PPP2R5C: variants seen among roughly 807,000 people sequenced by gnomAD.
The protein encoded by PPP2R5C is protein phosphatase 2 regulatory subunit B'gamma.
In PPP2R5C, 7 loss-of-function variants were observed where a neutral mutation model predicts 68.9. The observed-to-expected ratio is 0.10, with a 90% confidence interval of 0.06 to 0.19. The LOEUF (loss-of-function observed/expected upper bound fraction) is 0.19, where lower values mean the gene tolerates loss of function less well. Ranked by LOEUF, PPP2R5C falls within the 10% of genes least tolerant of loss-of-function variation. The pLI, the probability that PPP2R5C is intolerant of heterozygous loss-of-function variation, is 1.00. For missense variants in PPP2R5C, 348 were observed against 641.3 expected (o/e 0.54, Z 4.94); for synonymous variants, 210 against 222.2 (o/e 0.95, Z 0.49).
chr14:101,851,500 G>A (rs908363504), intron 1 of PPP2R5C, among the ~76,000 whole-genome samples: 1 of 152,200 alleles, frequency 6.6e-6, no homozygotes, highest in Non-Finnish European at 1.5e-5. Flanking sequence ...TGTGGTCTCT[G>A]TGTTTGAAAC....
At chr14:101,905,996 G>A (rs556236862) in intron 9 of PPP2R5C, among the ~76,000 whole-genome samples, 20 of 152,182 alleles carry the variant, frequency 1.3e-4, no homozygotes, top group South Asian at 2.1e-4. Flanking sequence ...TGTAAGCTCC[G>A]TGGAGTCAAG....
chr14:101,787,135 G>A (rs572913678), intron 3 of PPP2R5C, among the ~76,000 whole-genome samples: 28 of 152,270 alleles, frequency 1.8e-4, no homozygotes, highest in East Asian at 7.7e-4. Context: ...CTGTGGTCCC[G>A]GCTACTCAGG....
chr14:101,919,969 C>CAAAAAAA (rs34641396), intron 13 of PPP2R5C, among the ~76,000 whole-genome samples: 5 of 52,878 alleles, frequency 9.5e-5, no homozygotes, highest in African/African-American at 2.7e-4. Flanking sequence ...AACTCCGTCT[C>CAAAAAAA]AAAAAAAAAA....
intron 2 of PPP2R5C, among the ~76,000 whole-genome samples, chr14:101,868,780 T>A (rs1255410552): frequency 1.3e-5 from 2 of 152,230 alleles, no homozygotes; most frequent in Non-Finnish European, 2.9e-5. Flanking sequence ...TAACTTTTTT[T>A]AAATTAATTT....
chr14:101,905,961 A>G (rs1161832272), intron 9 of PPP2R5C, among the ~76,000 whole-genome samples: 1 of 152,176 alleles, frequency 6.6e-6, no homozygotes, highest in Non-Finnish European at 1.5e-5. Flanking sequence ...ATAATCATCC[A>G]TCACCTGTCT....
chr14:101,869,740 C>T (rs1460978982), intron 2 of PPP2R5C, among the ~76,000 whole-genome samples: 1 of 152,160 alleles, frequency 6.6e-6, no homozygotes, highest in Admixed American at 6.5e-5. Flanking sequence ...CTGCAGCCTC[C>T]ACCTCCCAGG....
intron 1 of PPP2R5C, among the ~76,000 whole-genome samples, chr14:101,840,482 CAAAAAAAAAAAAAAA>C (rs10611025): frequency 0.011 from 581 of 51,898 alleles, 11 homozygotes; most frequent in Non-Finnish European, 0.015. Context: ...CCCCCACCAC[CAAAAAAAAAAAAAAA>C]AAAAAAAAAA....
At chr14:101,761,863 GC>G, upstream of PPP2R5C, 1 of 928,452 alleles carries the variant, frequency 1.1e-6, no homozygotes, top group Non-Finnish European at 1.3e-6. Flanking sequence ...GGCGGCAGGG[GC>G]GGCGGCGGCG....
chr14:101,870,859 T>G (rs1301388996), intron 2 of PPP2R5C, among the ~76,000 whole-genome samples: 2 of 152,226 alleles, frequency 1.3e-5, no homozygotes, highest in African/African-American at 4.8e-5. Flanking sequence ...TAAATTAGTA[T>G]TTTGGTTTTT....
chr14:101,809,058 TAAAC>T (rs1311169182), upstream of PPP2R5C, among the ~76,000 whole-genome samples: 1 of 152,192 alleles, frequency 6.6e-6, no homozygotes, highest in African/African-American at 2.4e-5. Flanking sequence ...ATTTTAAATT[TAAAC>T]AAAATATCTA....
intron 2 of PPP2R5C, among the ~76,000 whole-genome samples, chr14:101,858,508 G>T (rs1381207681): frequency 2.0e-5 from 3 of 149,328 alleles, no homozygotes; most frequent in African/African-American, 7.5e-5. Context: ...TTTGTTTTTT[G>T]TTTTTTGTTT....
intron 13 of PPP2R5C, among the ~76,000 whole-genome samples, chr14:101,918,306 G>A (rs1021914702): frequency 6.0e-5 from 9 of 150,396 alleles, no homozygotes. Context: ...GACCCAGAGA[G>A]GCTCCCTTAG....
rs1371238194 is a variant in PPP2R5C, at chr14:101,901,116, T to C, written c.853-603T>C. ...TTTGTGTATAAACACATATGGATGG[T>C]TGATAAATTTGAGAAAGAAATGGGT... On this transcript the variant is annotated intron_variant, in intron 8 of 13. Transcript: ENST00000334743. Among the ~76,000 whole-genome samples the C allele has an allele frequency of 4.6e-5, 7 of 152,264 alleles. No individual in the cohort carries two copies. The East Asian group carries it at 5.8e-4, about 13-fold the overall frequency.
chr14:101,892,790 C>T (rs139083564), intron 6 of PPP2R5C, among the ~76,000 whole-genome samples: 1 of 152,188 alleles, frequency 6.6e-6, no homozygotes, highest in East Asian at 1.9e-4. Context: ...GTGATTATAG[C>T]GCACTACAGC....
intron 2 of PPP2R5C, among the ~76,000 whole-genome samples, chr14:101,874,260 A>G (rs1024177433): frequency 6.6e-6 from 1 of 152,232 alleles, no homozygotes. Context: ...TTGTTCTGCT[A>G]TGCTAAAGCA....
chr14:101,838,303 C>T (rs1417496590), intron 1 of PPP2R5C, among the ~76,000 whole-genome samples: 4 of 152,066 alleles, frequency 2.6e-5, no homozygotes, highest in Admixed American at 6.6e-5. Context: ...TAGTAATCGT[C>T]GAAGGAAGGT....
intron 1 of PPP2R5C, chr14:101,839,661 C>T (rs2041338460): frequency 6.6e-6 from 1 of 152,236 alleles, no homozygotes; most frequent in Non-Finnish European, 1.5e-5. Flanking sequence ...ATTCCATCCT[C>T]CATCTGTAAT....
chr14:101,884,159 G>A lies in PPP2R5C; in HGVS notation c.629+597G>A, dbSNP rs113204346. On this transcript the variant is annotated intron_variant, in intron 5 of 13. Coordinates refer to ENST00000334743, the Ensembl canonical transcript of PPP2R5C. ...AGAATTTAGAGTCCAATGTTCAAGG[G>A]CAGGAAGCATCCAGCACAGGAGAAA... 6.6e-4 allele frequency among the ~76,000 whole-genome samples: 100 copies of A among 152,294 alleles called. 1 individual carries two copies. Among genetic ancestry groups the A allele is most frequent in the African/African-American group, 2.1e-3 (88 of 41,568 alleles).
chr14:101,787,581 G>GA (rs2038165356), intron 3 of PPP2R5C, among the ~76,000 whole-genome samples: 1 of 142,654 alleles, frequency 7.0e-6, no homozygotes, highest in African/African-American at 2.8e-5. Flanking sequence ...GGCTAACATG[G>GA]TGAAACCCCG....
Sources: gnomAD v4.1 joint callset for allele counts (sites outside exome capture counted in the v4.1 genomes callset) on GRCh38, gnomAD v4.1.1 for gene constraint, MANE v1.5 for transcripts, NCBI Gene and HGNC (gene_info 2026-07-23, HGNC 2026-07-21) for gene names.